PLEKHA5: variants seen among roughly 807,000 people sequenced by gnomAD.
PLEKHA5 encodes pleckstrin homology domain-containing family A member 5.
PLEKHA5 carries 55 observed loss-of-function variants against 181.9 expected under a neutral mutation model. The observed-to-expected ratio is 0.30, with a 90% CI of 0.24 to 0.38. PLEKHA5 has a LOEUF of 0.38. Among genes scored for constraint, PLEKHA5 ranks in the 10% least tolerant of loss-of-function variants. The pLI, the probability that PLEKHA5 is intolerant of heterozygous loss-of-function variation, is 1.00. For missense variants in PLEKHA5, 1,432 were observed against 1,549.5 expected (o/e 0.92, Z 1.27); for synonymous variants, 535 against 529.4 (o/e 1.01, Z -0.15).
intron 3 of PLEKHA5, among the ~76,000 whole-genome samples, chr12:19,192,036 G>T (rs2151963177): frequency 6.6e-6 from 1 of 152,186 alleles, no homozygotes. Flanking sequence ...CCGTGTATAG[G>T]CTGGGGATCA....
Position 19,340,991 on chromosome 12 carries a change from G to T in PLEKHA5, c.2551-2332G>T, listed in dbSNP as rs149245488. On this transcript the variant is annotated intron_variant, in intron 21 of 31. Coordinates refer to ENST00000429027, the MANE Select transcript of PLEKHA5 (RefSeq NM_001256470.2). Reference sequence around the variant, plus strand: ...AGAAAAGAAAAATAGTTCAAAGTTGGCTGGGCACAGTGGCGTATGCCTGTA... The same window carrying T: ...AGAAAAGAAAAATAGTTCAAAGTTGTCTGGGCACAGTGGCGTATGCCTGTA... Among the ~76,000 whole-genome samples the T allele has an allele frequency of 1.5e-3, 227 of 151,980 alleles. 1 individual carries two copies. The highest frequency in any genetic ancestry group is 0.014 in the Middle Eastern group (4 of 294).
intron 15 of PLEKHA5, among the ~76,000 whole-genome samples, chr12:19,305,057 C>T (rs1227910252): frequency 6.6e-6 from 1 of 152,144 alleles, no homozygotes; most frequent in Non-Finnish European, 1.5e-5. Context: ...GATATTTGTA[C>T]AGCACCTTGA....
intron 3 of PLEKHA5, among the ~76,000 whole-genome samples, chr12:19,230,869 G>A (rs953469988): frequency 3.3e-5 from 5 of 152,190 alleles, no homozygotes; most frequent in Admixed American, 2.0e-4. Flanking sequence ...CCAAGGAGGC[G>A]CTGAGAGCAC....
intron 3 of PLEKHA5, chr12:19,152,025 C>T (rs2040521014): frequency 6.6e-6 from 1 of 152,132 alleles, no homozygotes; most frequent in South Asian, 2.1e-4. Context: ...TGCCACCACG[C>T]CCGGCTAATT....
chr12:19,272,964 T>TGG (rs2073418034), intron 10 of PLEKHA5, among the ~76,000 whole-genome samples: 1 of 152,198 alleles, frequency 6.6e-6, no homozygotes, highest in Non-Finnish European at 1.5e-5. Context: ...TGGAGTGCAG[T>TGG]GGCACGATCT....
Position 19,353,840 on chromosome 12 carries a change from T to G in PLEKHA5, c.3020-44T>G, listed in dbSNP as rs1226548744. ...AGTAAGCTAAAAGAAAGCAATGCTG[T>G]ATAAAAGATGTTTTGTAAAACTTAC... On this transcript the variant is annotated intron_variant, in intron 25 of 31. Transcript: ENST00000429027. The G allele has an allele frequency of 4.7e-6, 4 of 856,124 alleles. No individual in the cohort carries two copies. The Admixed American group carries it at 5.6e-5, about 12-fold the overall frequency. 53.0% of individuals were successfully genotyped at this position (856,124 alleles called of 1,614,324 possible). A position where few individuals can be genotyped will look rare whatever the true frequency, so the allele number is the denominator to read the frequency against.
chr12:19,375,423 A>G (rs1464367591), intron 31 of PLEKHA5, 108 bp from the exon 32 acceptor site: 2 of 152,290 alleles, frequency 1.3e-5, no homozygotes, highest in Non-Finnish European at 2.9e-5. Flanking sequence ...TTTCATGGCC[A>G]TGCTTGTCAG....
At chr12:19,184,059 GT>G (rs1300826000) in intron 3 of PLEKHA5, among the ~76,000 whole-genome samples, 6 of 152,116 alleles carry the variant, frequency 3.9e-5, no homozygotes, top group African/African-American at 1.4e-4. Context: ...ACCACGTCTG[GT>G]GCCTATGGAT....
At chr12:19,290,367 T>C (rs1336502126) in intron 13 of PLEKHA5, among the ~76,000 whole-genome samples, 1 of 152,252 alleles carries the variant, frequency 6.6e-6, no homozygotes, top group Admixed American at 6.5e-5. Flanking sequence ...GTAGCACTTA[T>C]GTACAAACCT....
rs115667797 is a variant in PLEKHA5, at chr12:19,338,672, T to C, written c.2550+2056T>C. On this transcript the variant is annotated intron_variant, in intron 21 of 31. Transcript: ENST00000429027. ...GTCACCAAGCCCAGTTTGTCTAAAT[T>C]TAAATGGCCACATGTGGCTGGGACT... 9.1e-3 allele frequency among the ~76,000 whole-genome samples: 1,385 copies of C among 151,608 alleles called. 25 individuals carry two copies. The highest frequency in any genetic ancestry group is 0.032 in the African/African-American group (1,306 of 41,360).
At chr12:19,321,147 T>C (rs939996328) in intron 18 of PLEKHA5, among the ~76,000 whole-genome samples, 1 of 150,458 alleles carries the variant, frequency 6.6e-6, no homozygotes, top group South Asian at 2.1e-4. Flanking sequence ...GCCTGGGTTA[T>C]GGCGTGAGAC....
intron 3 of PLEKHA5, among the ~76,000 whole-genome samples, chr12:19,157,347 A>G (rs983489072): frequency 6.6e-6 from 1 of 152,210 alleles, no homozygotes; most frequent in Admixed American, 6.5e-5. Flanking sequence ...CAAACTCTTC[A>G]TGAACTTCAT....
rs765374127 is a variant in PLEKHA5, at chr12:19,358,306, G to A, written c.3217G>A (p.Glu1073Lys). The change falls in exon 27 of 32, where the codon GAA becomes AAA. Residue 1073 changes from glutamate to lysine, a missense_variant. By Grantham distance (56) the Glu-to-Lys change is moderately conservative (BLOSUM62 1). Around this residue, in one of 2 missense-constraint regions of PLEKHA5, gnomAD observed 1,143 missense variants for 1,168.4 expected, o/e 0.98. Coordinates refer to ENST00000429027, the MANE Select transcript of PLEKHA5 (RefSeq NM_001256470.2). ...AAGGATGACTGTGGAAGAGCAAATG[G>A]AAAGAATAAGAAGACATCAACAAGC... ...RPRMTVEEQMERIRRHQQACL... is the reference protein window; with the variant it reads ...RPRMTVEEQMKRIRRHQQACL... The A allele has an allele frequency of 1.9e-6, 3 of 1,613,796 alleles. No homozygotes were observed. The African/African-American group carries it at 4.0e-5, about 22-fold the overall frequency.
intron 11 of PLEKHA5, among the ~76,000 whole-genome samples, chr12:19,282,799 T>C (rs573230353): frequency 2.2e-4 from 34 of 152,332 alleles, no homozygotes; most frequent in African/African-American, 7.9e-4. Flanking sequence ...GTAATTGATA[T>C]AGATGCTGTT....
At chr12:19,242,225 CTTTTTTTGTT>C (rs1223221323) in intron 3 of PLEKHA5, among the ~76,000 whole-genome samples, 1 of 103,762 alleles carries the variant, frequency 9.6e-6, no homozygotes, top group East Asian at 2.1e-4. Context: ...TTGTAAATTC[CTTTTTTTGTT>C]TTTTTTTGTT....
intron 24 of PLEKHA5, among the ~76,000 whole-genome samples, chr12:19,347,635 T>G (rs1323027668): frequency 6.6e-6 from 1 of 152,050 alleles, no homozygotes; most frequent in African/African-American, 2.4e-5. Flanking sequence ...ATGTCACCCC[T>G]GAAAATGGGA....
chr12:19,322,413 C>A, intron 19 of PLEKHA5, 23 bp downstream of exon 19: 4 of 1,584,462 alleles, frequency 2.5e-6, no homozygotes, highest in South Asian at 1.1e-5. Context: ...TGTTTATTGT[C>A]TACAATTGAT....
chr12:19,331,864 G>C (rs531363011), intron 20 of PLEKHA5, among the ~76,000 whole-genome samples: 1 of 152,068 alleles, frequency 6.6e-6, no homozygotes, highest in South Asian at 2.1e-4. Context: ...GTTTACAGAA[G>C]ATTAAAAAAC....
chr12:19,255,267 A>T, intron 5 of PLEKHA5, 102 bp downstream of exon 5: 1 of 645,074 alleles, frequency 1.6e-6, no homozygotes, highest in Non-Finnish European at 2.3e-6. Context: ...TTACATTTTT[A>T]TTATTACATG....
Sources: gnomAD v4.1 joint callset for allele counts (sites outside exome capture counted in the v4.1 genomes callset) on GRCh38, gnomAD v4.1.1 for gene constraint, gnomAD v4.1.1 regional missense constraint, MANE v1.5 for transcripts, NCBI Gene and HGNC (gene_info 2026-07-23, HGNC 2026-07-21) for gene names.